PAM: variants seen among roughly 807,000 people sequenced by gnomAD.
PAM encodes the protein peptidylglycine alpha-amidating monooxygenase.
PAM carries 72 observed loss-of-function variants against 122.1 expected under a neutral mutation model. The ratio of observed to expected loss-of-function variants is 0.59; its 90% confidence interval spans 0.49 to 0.72. The LOEUF (loss-of-function observed/expected upper bound fraction) is 0.72, where lower values mean the gene tolerates loss of function less well. Among genes scored for constraint, PAM ranks in the 30% least tolerant of loss-of-function variants. PAM has a pLI of 0.00. For synonymous variants in PAM, 389 were observed against 404.4 expected (o/e 0.96, Z 0.46); for missense variants, 1,106 against 1,183.7 (o/e 0.93, Z 0.96).
intron 1 of PAM, among the ~76,000 whole-genome samples, chr5:102,834,427 C>T (rs956699655): frequency 6.6e-6 from 1 of 152,138 alleles, no homozygotes; most frequent in Admixed American, 6.6e-5. Context: ...AAAACATATA[C>T]AAATCCGTTC....
chr5:102,974,182 A>G lies in PAM; in HGVS notation c.1229A>G (p.Tyr410Cys). ...EREDVVHVHK[Y>C]NPTEKAESES... is the part of the protein sequence containing the mutation. ...GAAGATGTTGTTCATGTGCACAAAT[A>G]TAATCCTACAGAAAAGGCAGAATCA... The change falls in exon 15 of 26, where the codon TAT (tyrosine) becomes TGT (cysteine). Residue 410 changes from tyrosine to cysteine, a missense_variant. Around this residue, in one of 3 missense-constraint regions of PAM, gnomAD observed 670 missense variants for 690.3 expected, o/e 0.97. Coordinates refer to ENST00000438793, the MANE Select transcript of PAM (RefSeq NM_001177306.2). The G allele has an allele frequency of 6.2e-7, 1 of 1,613,912 alleles. No homozygotes were observed. The highest frequency in any genetic ancestry group is 8.5e-7 in the Non-Finnish European group (1 of 1,179,836).
intron 3 of PAM, among the ~76,000 whole-genome samples, chr5:102,900,841 T>C (rs955349482): frequency 1.3e-5 from 2 of 151,558 alleles, no homozygotes; most frequent in Non-Finnish European, 3.0e-5. Context: ...CTTGAGTTAA[T>C]GTTGATTTCT....
intron 1 of PAM, among the ~76,000 whole-genome samples, chr5:102,817,262 T>G (rs1770192558): frequency 6.6e-6 from 1 of 152,128 alleles, no homozygotes; most frequent in Non-Finnish European, 1.5e-5. Flanking sequence ...GACTTACTAT[T>G]ATAATTAAAA....
chr5:102,779,918 T>TATATCTACACACACAC (rs147065045), intron 1 of PAM, among the ~76,000 whole-genome samples: 1 of 95,704 alleles, frequency 1.0e-5, no homozygotes, highest in Admixed American at 1.2e-4. Flanking sequence ...TATATATATA[T>TATATCTACACACACAC]ACACACATAT....
chr5:102,779,886 CATATATATAT>C (rs767088116), intron 1 of PAM, among the ~76,000 whole-genome samples: 2,931 of 81,074 alleles, frequency 0.036, 119 homozygotes, highest in African/African-American at 0.052. Flanking sequence ...CTCCCATATA[CATATATATAT>C]ATATATATAT....
chr5:102,926,136 G>A (rs1276339105), intron 6 of PAM, among the ~76,000 whole-genome samples: 8 of 151,660 alleles, frequency 5.3e-5, no homozygotes, highest in Admixed American at 2.6e-4. Flanking sequence ...CGCCCAGGCC[G>A]GACTGCGGAC....
chr5:102,818,441 G>T (rs531174150), intron 1 of PAM, among the ~76,000 whole-genome samples: 1 of 151,770 alleles, frequency 6.6e-6, no homozygotes, highest in East Asian at 1.9e-4. Flanking sequence ...TACCAGTTAT[G>T]TAACTGTCAA....
chr5:103,029,254 A>T lies in PAM; in HGVS notation c.*189A>T. On this transcript the variant is annotated 3_prime_UTR_variant, in exon 26 of 26. Coordinates refer to ENST00000438793, the MANE Select transcript of PAM (RefSeq NM_001177306.2). ...TAGTTGAGGAGTTTCCTAAAAGTTC[A>T]TAACAGTGCCATTGTCTTTATATGA... 2.3e-6 allele frequency: 1 copy of T among 434,812 alleles called. No individual in the cohort carries two copies. Among genetic ancestry groups the T allele is most frequent in the Non-Finnish European group, 4.0e-6 (1 of 248,334 alleles). The allele number at this position is 434,812 out of a possible 1,614,324, so 26.9% of individuals were successfully genotyped here. A position where few individuals can be genotyped will look rare whatever the true frequency, so the allele number is the denominator to read the frequency against.
intron 1 of PAM, among the ~76,000 whole-genome samples, chr5:102,813,786 A>G (rs1768699842): frequency 6.6e-6 from 1 of 152,166 alleles, no homozygotes; most frequent in African/African-American, 2.4e-5. Flanking sequence ...ATGGAAATAA[A>G]GGGTACTCTT....
chr5:102,957,818 G>A (rs146360367), intron 12 of PAM, among the ~76,000 whole-genome samples: 296 of 152,262 alleles, frequency 1.9e-3, no homozygotes, highest in African/African-American at 6.1e-3. Flanking sequence ...GTGAGCCATC[G>A]TGCCCGGCAG....
chr5:102,794,386 C>G lies in PAM; in HGVS notation c.-374+39038C>G, dbSNP rs538359706. On this transcript the variant is annotated intron_variant, in intron 1 of 25. Coordinates refer to ENST00000438793, the MANE Select transcript of PAM (RefSeq NM_001177306.2). ...CAACTGAAGGAAGGAATTATTAAAG[C>G]CAATGGTGAACAAAGCATTTCAAGC... is the stretch of plus-strand genomic sequence containing the variant. 2.0e-5 allele frequency among the ~76,000 whole-genome samples: 3 copies of G among 152,246 alleles called. No individual in the cohort carries two copies. In the South Asian group the frequency reaches 6.2e-4, roughly 32 times the overall value.
intron 3 of PAM, chr5:102,896,087 T>C (rs532637970): frequency 6.6e-6 from 1 of 151,856 alleles, no homozygotes; most frequent in East Asian, 1.9e-4. Flanking sequence ...TGTTGTATGA[T>C]AGGCAATTAA....
chr5:102,830,010 C>T (rs966573462), intron 1 of PAM, among the ~76,000 whole-genome samples: 1 of 152,142 alleles, frequency 6.6e-6, no homozygotes, highest in Non-Finnish European at 1.5e-5. Flanking sequence ...CAATATTACA[C>T]AGACCTAGCA....
At position 102,820,616 on chromosome 5, in the gene PAM, T is replaced by G. The variant is rs574197109; in HGVS notation, c.-373-45207T>G. Among the ~76,000 whole-genome samples, 4 of 152,320 alleles carry G rather than the reference T, an allele frequency of 2.6e-5. No individual in the cohort carries two copies. The East Asian group carries it at 7.7e-4, about 29-fold the overall frequency. On this transcript the variant is annotated intron_variant, in intron 1 of 25. Coordinates refer to ENST00000438793, the MANE Select transcript of PAM (RefSeq NM_001177306.2). ...AGAAACATTTTGCAATATATGGTAC[T>G]TACACAAACGTATAATCTAGATTAG...
At chr5:102,987,432 T>G (rs547268382) in intron 15 of PAM, 5 of 404,028 alleles carry the variant, frequency 1.2e-5, no homozygotes, top group African/African-American at 8.2e-5. Flanking sequence ...GGTACCAACA[T>G]GTAGAGAGAT....
At position 102,779,914 on chromosome 5, in the gene PAM, T is replaced by C. The variant is rs201385192; in HGVS notation, c.-374+24566T>C. Among the ~76,000 whole-genome samples the C allele has an allele frequency of 4.1e-3, 270 of 65,468 alleles. 3 individuals are homozygous for C. Among genetic ancestry groups the C allele is most frequent in the South Asian group, 6.7e-3 (13 of 1,946 alleles). The allele number at this position is 65,468 out of a possible 152,430, so 42.9% of individuals were successfully genotyped here. Reference sequence around the variant, plus strand: ...ATATATATATATATATATATATATATATATACACACATATATATATGTATA... The same window carrying C: ...ATATATATATATATATATATATATACATATACACACATATATATATGTATA... On this transcript the variant is annotated intron_variant, in intron 1 of 25. Transcript: ENST00000438793.
At chr5:102,866,514 C>A in intron 2 of PAM, 1 of 545,458 alleles carries the variant, frequency 1.8e-6, no homozygotes, top group Non-Finnish European at 3.3e-6. Flanking sequence ...ATTTCCAAAA[C>A]TAATCACTCC....
At chr5:102,922,758 T>A (rs1252049545) in intron 5 of PAM, among the ~76,000 whole-genome samples, 1 of 152,220 alleles carries the variant, frequency 6.6e-6, no homozygotes, top group Non-Finnish European at 1.5e-5. Flanking sequence ...ATGTTTATGA[T>A]CTTTGTTGAA....
intron 12 of PAM, among the ~76,000 whole-genome samples, chr5:102,953,653 A>G (rs1041758354): frequency 6.6e-6 from 1 of 152,196 alleles, no homozygotes; most frequent in African/African-American, 2.4e-5. Flanking sequence ...AAGAATGACT[A>G]TAGTCAATAT....
Sources: gnomAD v4.1 joint callset for allele counts (sites outside exome capture counted in the v4.1 genomes callset) on GRCh38, gnomAD v4.1.1 for gene constraint, gnomAD v4.1.1 regional missense constraint, MANE v1.5 for transcripts, NCBI Gene and HGNC (gene_info 2026-07-23, HGNC 2026-07-21) for gene names.